RYR2: variants seen among roughly 807,000 people sequenced by gnomAD.
The protein encoded by RYR2 is ryanodine receptor 2.
RYR2 carries 227 observed loss-of-function variants against 601.1 expected under a neutral mutation model. That is an observed-to-expected ratio of 0.38 (90% CI 0.34 to 0.42). The LOEUF is 0.42. Ranked by LOEUF, RYR2 falls within the 10% of genes least tolerant of loss-of-function variation. The pLI is 1.00. For missense variants in RYR2, 4,646 were observed against 6,156.5 expected, an observed-to-expected ratio of 0.75 and a Z score of 8.21; for synonymous variants, 2,223 against 2,175.1, an observed-to-expected ratio of 1.02 and a Z score of -0.61.
intron 27 of RYR2, among the ~76,000 whole-genome samples, chr1:237,561,993 A>C (rs1671505145): frequency 6.6e-6 from 1 of 152,242 alleles, no homozygotes; most frequent in Admixed American, 6.5e-5. Context: ...ATAATAGTCT[A>C]TACTGCTGTT....
chr1:237,695,663 G>A (rs901471823), intron 63 of RYR2, among the ~76,000 whole-genome samples: 1 of 152,104 alleles, frequency 6.6e-6, no homozygotes, highest in African/African-American at 2.4e-5. Context: ...CAATATTTAA[G>A]TCATTATTTT....
intron 1 of RYR2, among the ~76,000 whole-genome samples, chr1:237,164,286 C>A (rs1293987001): frequency 6.6e-6 from 1 of 152,148 alleles, no homozygotes; most frequent in Non-Finnish European, 1.5e-5. Flanking sequence ...AAAGCAAAAA[C>A]AAATTCAGAA....
At chr1:237,456,949 A>T (rs1658907565) in intron 16 of RYR2, among the ~76,000 whole-genome samples, 1 of 152,116 alleles carries the variant, frequency 6.6e-6, no homozygotes, top group Non-Finnish European at 1.5e-5. Context: ...AAAAGCAAAA[A>T]AAATCACATA....
intron 1 of RYR2, among the ~76,000 whole-genome samples, chr1:237,226,655 G>A (rs1210835307): frequency 6.6e-6 from 1 of 152,164 alleles, no homozygotes; most frequent in Non-Finnish European, 1.5e-5. Context: ...AGTGATTGGT[G>A]GTGAAATCTG....
intron 1 of RYR2, among the ~76,000 whole-genome samples, chr1:237,243,658 A>C (rs1044390411): frequency 6.6e-6 from 1 of 152,150 alleles, no homozygotes; most frequent in Non-Finnish European, 1.5e-5. Flanking sequence ...GGGTCTTAAA[A>C]ACCACAGTCA....
intron 12 of RYR2, among the ~76,000 whole-genome samples, chr1:237,436,736 A>G (rs1041019833): frequency 1.1e-4 from 17 of 151,642 alleles, no homozygotes; most frequent in South Asian, 8.4e-4. Flanking sequence ...TCTATTAGTT[A>G]CCTGATAGAG....
At chr1:237,171,639 A>G (rs1677406887) in intron 1 of RYR2, among the ~76,000 whole-genome samples, 1 of 152,220 alleles carries the variant, frequency 6.6e-6, no homozygotes, top group South Asian at 2.1e-4. Flanking sequence ...TTATCTAGAA[A>G]CAAACAAAAA....
intron 1 of RYR2, among the ~76,000 whole-genome samples, chr1:237,065,811 C>T (rs1472196894): frequency 6.6e-6 from 1 of 152,180 alleles, no homozygotes; most frequent in Non-Finnish European, 1.5e-5. Context: ...ATGACAGTTT[C>T]TGGGGAGGTC....
At chr1:237,364,873 A>G (rs1180301620) in intron 5 of RYR2, among the ~76,000 whole-genome samples, 2 of 152,198 alleles carry the variant, frequency 1.3e-5, no homozygotes, top group African/African-American at 4.8e-5. Context: ...GCACCAAGAA[A>G]CTACTTCTAC....
intron 1 of RYR2, among the ~76,000 whole-genome samples, chr1:237,072,863 G>A (rs965664204): frequency 1.3e-5 from 2 of 149,026 alleles, no homozygotes; most frequent in Non-Finnish European, 3.0e-5. Flanking sequence ...CAGGAGAATC[G>A]CTTGAACCTG....
chr1:237,154,927 A>G, intron 1 of RYR2, among the ~76,000 whole-genome samples: 1 of 152,134 alleles, frequency 6.6e-6, no homozygotes, highest in Admixed American at 6.5e-5. Context: ...AGAATGCCCC[A>G]TTACAGAAAA....
At chr1:237,478,036 T>C (rs1298794610) in intron 17 of RYR2, among the ~76,000 whole-genome samples, 2 of 152,166 alleles carry the variant, frequency 1.3e-5, no homozygotes, top group Admixed American at 6.6e-5. Context: ...GGATGAGGTC[T>C]CAGAGTGTAG....
intron 16 of RYR2, among the ~76,000 whole-genome samples, chr1:237,467,361 T>C (rs2150291800): frequency 6.6e-6 from 1 of 152,102 alleles, no homozygotes; most frequent in East Asian, 1.9e-4. Flanking sequence ...ATCATGTCCT[T>C]TTTCCCAGTT....
At chr1:237,530,393 A>G (rs1431318727) in intron 24 of RYR2, 34 bp from the exon 25 acceptor site, 1 of 1,499,410 alleles carries the variant, frequency 6.7e-7, no homozygotes, top group African/African-American at 1.4e-5. Context: ...ATAGAGAAGA[A>G]ATGATCACAC....
At chr1:237,116,102 C>A (rs1670049149) in intron 1 of RYR2, among the ~76,000 whole-genome samples, 1 of 152,116 alleles carries the variant, frequency 6.6e-6, no homozygotes, top group Non-Finnish European at 1.5e-5. Flanking sequence ...AATTGTAATT[C>A]TTTCTGAGTG....
intron 20 of RYR2, 34 bp downstream of exon 20, chr1:237,496,786 A>G (rs775369736): frequency 1.3e-6 from 2 of 1,583,908 alleles, no homozygotes; most frequent in Non-Finnish European, 1.7e-6. Context: ...ACCGTGTTCC[A>G]GAAGATCTTT....
At position 237,422,987 on chromosome 1, in the gene RYR2, A is replaced by G. The variant is rs898747897; in HGVS notation, c.849-105A>G. 3 of 1,324,336 alleles carry G rather than the reference A, an allele frequency of 2.3e-6. No individual in the cohort carries two copies. The African/African-American group carries it at 4.5e-5, about 20-fold the overall frequency. The allele number at this position is 1,324,336 out of a possible 1,614,324, so 82.0% of individuals were successfully genotyped here. A position where few individuals can be genotyped will look rare whatever the true frequency, so the allele number is the denominator to read the frequency against. On this transcript the variant is annotated intron_variant, in intron 11 of 104. Coordinates refer to ENST00000366574, the MANE Select transcript of RYR2 (RefSeq NM_001035.3). ...CTAATATCCTAAGTTTTTTGAGAAC[A>G]TTAAGACAATATATATGACTGTTCA...
intron 14 of RYR2, among the ~76,000 whole-genome samples, chr1:237,446,612 C>T (rs927418945): frequency 1.3e-5 from 2 of 151,984 alleles, no homozygotes; most frequent in African/African-American, 4.8e-5. Flanking sequence ...TTTTCTACTT[C>T]TTTTATAAAC....
At chr1:237,241,182 T>C (rs1307335416) in intron 1 of RYR2, among the ~76,000 whole-genome samples, 1 of 152,196 alleles carries the variant, frequency 6.6e-6, no homozygotes, top group Non-Finnish European at 1.5e-5. Context: ...TCCAGATCAG[T>C]TGGTCATACT....
Sources: allele counts gnomAD v4.1 joint callset (sites outside exome capture counted in the v4.1 genomes callset), GRCh38; gene constraint gnomAD v4.1.1; transcripts MANE v1.5; gene names NCBI Gene and HGNC (gene_info 2026-07-23, HGNC 2026-07-21).